TRIP12: variants seen among roughly 807,000 people sequenced by gnomAD.
TRIP12 encodes the protein thyroid hormone receptor interactor 12, also known as E3 ubiquitin-protein ligase TRIP12.
TRIP12 carries 25 observed loss-of-function variants against 244.2 expected under a neutral mutation model. The ratio of observed to expected loss-of-function variants is 0.10; its 90% CI spans 0.07 to 0.14. TRIP12 has a LOEUF of 0.14. Among genes scored for constraint, TRIP12 ranks in the 10% least tolerant of loss-of-function variants. The probability of loss-of-function intolerance (pLI) is 1.00; values close to 1 mark genes in which losing one functional copy is unlikely to be tolerated. For synonymous variants in TRIP12, 905 were observed against 873.1 expected (o/e 1.04, Z -0.64); for missense variants, 1,677 against 2,486.4 (o/e 0.67, Z 6.92).
chr2:229,904,416 CAA>C (rs34224407), intron 1 of TRIP12, among the ~76,000 whole-genome samples: 6 of 87,594 alleles, frequency 6.8e-5, no homozygotes, highest in Non-Finnish European at 1.1e-4. Flanking sequence ...ACTCCATCTC[CAA>C]AAAAAAAAAA....
chr2:229,793,246 A>C (rs780514840), intron 26 of TRIP12, 101 bp from the exon 27 acceptor site: 24 of 1,133,822 alleles, frequency 2.1e-5, no homozygotes, highest in Non-Finnish European at 2.9e-5. Context: ...TTTTCATAAG[A>C]CACACTAGTA....
intron 13 of TRIP12, among the ~76,000 whole-genome samples, chr2:229,812,410 A>G (rs982879219): frequency 7.2e-5 from 11 of 152,188 alleles, no homozygotes; most frequent in Admixed American, 3.3e-4. Context: ...ATAAACACAT[A>G]AACAGATTTT....
At chr2:229,805,651 T>A (rs1025644429) in intron 18 of TRIP12, 79 bp downstream of exon 18, 2 of 1,329,052 alleles carry the variant, frequency 1.5e-6, no homozygotes, top group Non-Finnish European at 2.0e-6. Context: ...AGATACTTAA[T>A]AAGCCAATTA....
intron 4 of TRIP12, among the ~76,000 whole-genome samples, chr2:229,857,575 G>A (rs1027237898): frequency 6.6e-6 from 1 of 151,640 alleles, no homozygotes; most frequent in Non-Finnish European, 1.5e-5. Flanking sequence ...AGGTTGCAGT[G>A]AGCCAAGATC....
At chr2:229,852,500 C>T (rs1030887816) in intron 4 of TRIP12, among the ~76,000 whole-genome samples, 3 of 152,064 alleles carry the variant, frequency 2.0e-5, no homozygotes, top group Non-Finnish European at 4.4e-5. Flanking sequence ...TATTACCCTA[C>T]TGGTTTTATA....
In TRIP12 at chr2:229,778,051, T is replaced by C. The variant is rs1415308060; in HGVS notation, c.5364+382A>G. 6.6e-6 allele frequency among the ~76,000 whole-genome samples: 1 copy of C among 152,196 alleles called. No homozygotes were observed. The highest frequency in any genetic ancestry group is 1.5e-5 in the Non-Finnish European group (1 of 68,028). ...TTTCACAACAGCACTCTAATGTAAA[T>C]TTAATGAAGTTTAGTTACATGCACA... On this transcript the variant is annotated intron_variant, in intron 36 of 41. Transcript: ENST00000675903. This position sits in a 1 kb window ranked among gnomAD's most constrained non-coding sequence, Gnocchi z 4.1.
At chr2:229,876,652 C>G (rs2063634026) in intron 2 of TRIP12, among the ~76,000 whole-genome samples, 1 of 152,168 alleles carries the variant, frequency 6.6e-6, no homozygotes, top group Non-Finnish European at 1.5e-5. Context: ...TGTCCCACTA[C>G]TTTGTTTATT....
chr2:229,794,679 C>A (rs1297717385), intron 26 of TRIP12, among the ~76,000 whole-genome samples: 1 of 152,082 alleles, frequency 6.6e-6, no homozygotes, highest in East Asian at 1.9e-4. Flanking sequence ...TAGAACAATT[C>A]TTTCCTGTAG....
At chr2:229,851,116 A>G (rs766179879) in intron 4 of TRIP12, among the ~76,000 whole-genome samples, 1 of 152,234 alleles carries the variant, frequency 6.6e-6, no homozygotes, top group African/African-American at 2.4e-5. Context: ...ATGGCGCGGG[A>G]CCGGCAGGCA....
In TRIP12 at chr2:229,791,929, G is replaced by A; in HGVS notation, c.4352C>T (p.Ser1451Phe). The A allele has an allele frequency of 6.2e-7, 1 of 1,614,106 alleles. No individual in the cohort carries two copies. The highest frequency in any genetic ancestry group is 1.1e-5 in the South Asian group (1 of 91,086). The change falls in exon 29 of 42, where the codon TCC becomes TTC. Residue 1451 changes from serine to phenylalanine, a missense_variant. Transcript: ENST00000675903. The stretch of plus-strand genomic sequence containing the variant: ...TAGAGGATTGCTCTCATCATCTGTG[G>A]ATTCTCTTTCATCTTCAGCCTGTAT... ...FSIQAEDERE[S>F]TDDESNPLGR...
In TRIP12 at chr2:229,859,284, G is replaced by A. The variant is rs1278334815; in HGVS notation, c.515C>T (p.Thr172Ile). The A allele has an allele frequency of 1.2e-6, 2 of 1,614,222 alleles. No individual in the cohort carries two copies. The highest frequency in any genetic ancestry group is 1.7e-6 in the Non-Finnish European group (2 of 1,180,036). The change falls in exon 4 of 42, where the codon ACA (threonine) becomes ATA (isoleucine). Residue 172 changes from threonine (T) to isoleucine (I), a missense_variant. This residue lies in a region of TRIP12 where 387 missense variants were observed against 392.6 expected (regional missense o/e 0.99). Transcript: ENST00000675903. ...QQLKSAQSPS[T>I]SKAHTRKSGA... Reference sequence around the variant, plus strand: ...ACTCTTCCTGGTATGAGCCTTGCTTGTTGATGGTGATTGTGCAGATTTCAG... The same window carrying A: ...ACTCTTCCTGGTATGAGCCTTGCTTATTGATGGTGATTGTGCAGATTTCAG...
chr2:229,809,551 C>T (rs574931282), intron 15 of TRIP12, among the ~76,000 whole-genome samples: 1 of 152,206 alleles, frequency 6.6e-6, no homozygotes, highest in South Asian at 2.1e-4. Context: ...CATACATTAA[C>T]AAGAAATAAT....
chr2:229,861,712 T>A (rs949506700), intron 2 of TRIP12, among the ~76,000 whole-genome samples: 1 of 152,170 alleles, frequency 6.6e-6, no homozygotes, highest in African/African-American at 2.4e-5. Flanking sequence ...CTGTATCACT[T>A]CTTCTTCCAT....
intron 2 of TRIP12, among the ~76,000 whole-genome samples, chr2:229,868,519 C>A (rs1398937825): frequency 3.9e-5 from 6 of 152,024 alleles, no homozygotes; most frequent in Non-Finnish European, 5.9e-5. Flanking sequence ...AGTATAAATA[C>A]CTTTAAAAAG....
chr2:229,864,551 C>A (rs192112359), intron 2 of TRIP12, among the ~76,000 whole-genome samples: 8 of 151,208 alleles, frequency 5.3e-5, no homozygotes, highest in Non-Finnish European at 1.0e-4. Flanking sequence ...TAAATTATTT[C>A]TGCCAGATTT....
At chr2:229,815,977 T>C (rs982121577) in intron 9 of TRIP12, among the ~76,000 whole-genome samples, 12 of 152,188 alleles carry the variant, frequency 7.9e-5, no homozygotes, top group African/African-American at 2.9e-4. Context: ...GTTTTTCTAA[T>C]GAAGGAATGC....
At position 229,808,357 on chromosome 2, in the gene TRIP12, G is replaced by T; in HGVS notation, c.2234C>A (p.Thr745Lys). ...VQLMKQNIAETLHFLLCGASN... is the reference protein window; with the variant it reads ...VQLMKQNIAEKLHFLLCGASN... ...GGCACCACACAGGAGAAAGTGAAGC[G>T]TTTCTGCAATGTCTGTAAAAACCAA... Residue 745 changes from threonine to lysine, a missense_variant, in exon 16 of 42, where the codon ACG (threonine) becomes AAG (lysine). This residue lies in a region of TRIP12 where 572 missense variants were observed against 867.8 expected (regional missense o/e 0.66). Coordinates refer to ENST00000675903, the MANE Select transcript of TRIP12 (RefSeq NM_001348323.3). 6.2e-7 allele frequency: 1 copy of T among 1,611,746 alleles called. No individual in the cohort carries two copies. The highest frequency in any genetic ancestry group is 8.5e-7 in the Non-Finnish European group (1 of 1,179,410).
At chr2:229,777,071 G>T (rs1315144654) in intron 37 of TRIP12, among the ~76,000 whole-genome samples, 1 of 152,106 alleles carries the variant, frequency 6.6e-6, no homozygotes, top group African/African-American at 2.4e-5. Flanking sequence ...TTAATTGAAA[G>T]GAGTCCTTAT....
chr2:229,834,835 A>AACTT (rs2054373986), intron 6 of TRIP12, among the ~76,000 whole-genome samples: 2 of 152,150 alleles, frequency 1.3e-5, no homozygotes, highest in Non-Finnish European at 2.9e-5. Context: ...CTACACTTTC[A>AACTT]ACTTCAAAGG....
Sources: allele counts gnomAD v4.1 joint callset (sites outside exome capture counted in the v4.1 genomes callset), GRCh38; gene constraint gnomAD v4.1.1; regional missense constraint gnomAD v4.1.1; non-coding constraint Gnocchi (gnomAD v3.1); transcripts MANE v1.5; gene names NCBI Gene and HGNC (gene_info 2026-07-23, HGNC 2026-07-21).